ZNF318: variants seen among roughly 807,000 people sequenced by gnomAD.
ZNF318 encodes zinc finger protein 318, also known as endocrine regulator.
In ZNF318, 51 loss-of-function variants were observed where a neutral mutation model predicts 124.2. That is an observed-to-expected ratio of 0.41 (90% CI 0.33 to 0.52). The LOEUF is 0.52. Among genes scored for constraint, ZNF318 ranks in the 20% least tolerant of loss-of-function variants. The pLI, the probability that ZNF318 is intolerant of heterozygous loss-of-function variation, is 0.23. For missense variants in ZNF318, 2,815 were observed against 2,811.2 expected (o/e 1.00, Z -0.03); for synonymous variants, 1,090 against 1,040.7 (o/e 1.05, Z -0.91).
intron 2 of ZNF318, among the ~76,000 whole-genome samples, chr6:43,358,433 T>TTTC (rs61609683): frequency 4.0e-5 from 6 of 150,452 alleles, no homozygotes; most frequent in Non-Finnish European, 7.4e-5. Flanking sequence ...TTTTTTTTTT[T>TTTC]CTGATTTTTT....
chr6:43,348,178 G>C (rs1779475064), intron 6 of ZNF318, 146 bp downstream of exon 6: 1 of 787,062 alleles, frequency 1.3e-6, no homozygotes, highest in East Asian at 2.5e-5. Context: ...ATTCTGAAGA[G>C]GAGTACCACA....
chr6:43,362,204 G>T (rs1324739361), intron 2 of ZNF318, among the ~76,000 whole-genome samples: 1 of 152,100 alleles, frequency 6.6e-6, no homozygotes, highest in Non-Finnish European at 1.5e-5. Context: ...GCTCACACCT[G>T]TAATCCCAGC....
chr6:43,342,433 A>T (rs1199592393), intron 7 of ZNF318, among the ~76,000 whole-genome samples: 1 of 151,880 alleles, frequency 6.6e-6, no homozygotes, highest in Admixed American at 6.6e-5. Flanking sequence ...AAAATCAGGT[A>T]CTCAAGGAAT....
intron 5 of ZNF318, among the ~76,000 whole-genome samples, chr6:43,350,236 C>A (rs545236986): frequency 1.3e-5 from 2 of 151,618 alleles, no homozygotes; most frequent in African/African-American, 2.4e-5. Flanking sequence ...GGCAACAGAG[C>A]GAGGCTCCAT....
rs758117769 is a variant in ZNF318, at chr6:43,339,654, TGGGGGTGGTGGAGGA to T, written c.4329_4343del (p.Pro1452_Pro1456del). 2 of 430,786 alleles carry T rather than the reference TGGGGGTGGTGGAGGA, an allele frequency of 4.6e-6. No homozygotes were observed. Among genetic ancestry groups the T allele is most frequent in the Non-Finnish European group, 4.0e-6 (1 of 251,258 alleles). 26.7% of individuals were successfully genotyped at this position (430,786 alleles called of 1,614,324 possible). On this transcript the variant is annotated inframe_deletion, in exon 10 of 10. Transcript: ENST00000361428. This position sits in a 1 kb window ranked among gnomAD's most constrained non-coding sequence, Gnocchi z 4.2. ...CGGGGGGTGGTGGAGGTGGTGGAGG[TGGGGGTGGTGGAGGA>T]GGTGGTAGTATTTGTTCAGGTAAAT... is the stretch of plus-strand genomic sequence containing the variant.
At chr6:43,342,969 A>C in intron 6 of ZNF318, 90 bp from the exon 7 acceptor site, 29 of 992,182 alleles carry the variant, frequency 2.9e-5, no homozygotes, top group Non-Finnish European at 3.6e-5. Flanking sequence ...AATAATAGAA[A>C]TAGGGCCATA....
intron 2 of ZNF318, among the ~76,000 whole-genome samples, chr6:43,362,677 T>G (rs959808022): frequency 6.6e-6 from 1 of 151,916 alleles, no homozygotes; most frequent in South Asian, 2.1e-4. Context: ...GTAATTTTTG[T>G]ATTTTTGGTA....
At chr6:43,353,703 T>C (rs1562132940) in intron 4 of ZNF318, among the ~76,000 whole-genome samples, 2 of 152,138 alleles carry the variant, frequency 1.3e-5, no homozygotes, top group African/African-American at 4.8e-5. Flanking sequence ...CAAACCAAAT[T>C]AGACACATTA....
chr6:43,337,333 A>T lies in ZNF318; in HGVS notation c.6665T>A (p.Ile2222Asn), dbSNP rs1383206944. 6.2e-7 allele frequency: 1 copy of T among 1,614,134 alleles called. No homozygotes were observed. Among genetic ancestry groups the T allele is most frequent in the South Asian group, 1.1e-5 (1 of 91,080 alleles). ...GCCACTGTCATCATCTACTTGCAGA[A>T]TTGCCACCTCTGTGGTGGATGCATT... is the stretch of plus-strand genomic sequence containing the variant. Reference protein sequence around the residue: ...ISNASTTEVAILQVDDDSGDP... With the variant: ...ISNASTTEVANLQVDDDSGDP... The change falls in exon 10 of 10, where the codon ATT becomes AAT. Residue 2222 changes from isoleucine (I) to asparagine (N), a missense_variant. By Grantham distance (149) the Ile-to-Asn change is moderately radical (BLOSUM62 -3). Coordinates refer to ENST00000361428, the MANE Select transcript of ZNF318 (RefSeq NM_014345.3).
Position 43,340,280 on chromosome 6 carries a change from C to A in ZNF318, c.3718G>T (p.Gly1240Cys). The A allele has an allele frequency of 1.2e-6, 2 of 1,613,956 alleles. No homozygotes were observed. The highest frequency in any genetic ancestry group is 1.7e-6 in the Non-Finnish European group (2 of 1,180,020). ...TCAGCTTTTTCAGGGGAGTTCCTAC[C>A]CTCAGAGAGTTGGTCTTCTAATTTC... is the stretch of plus-strand genomic sequence containing the variant. The part of the protein sequence containing the change: ...SEKLEDQLSE[G>C]RNSPEKAENK... The change falls in exon 10 of 10, where the codon GGT becomes TGT. Residue 1240 changes from glycine (G) to cysteine (C), a missense_variant. Coordinates refer to ENST00000361428, the MANE Select transcript of ZNF318 (RefSeq NM_014345.3).
At chr6:43,367,053 T>C (rs781684715) in intron 1 of ZNF318, among the ~76,000 whole-genome samples, 10 of 152,212 alleles carry the variant, frequency 6.6e-5, no homozygotes, top group Admixed American at 3.9e-4. Context: ...TGTTTCACCG[T>C]GTTAGCCAAC....
intron 6 of ZNF318, among the ~76,000 whole-genome samples, chr6:43,345,967 C>CG (rs1016053832): frequency 6.6e-6 from 1 of 151,738 alleles, no homozygotes; most frequent in African/African-American, 2.4e-5. Context: ...CTTTGGGAGG[C>CG]GGGGGCAGGT....
chr6:43,341,003 GT>G, intron 8 of ZNF318, 95 bp from the exon 9 acceptor site: 1 of 921,948 alleles, frequency 1.1e-6, no homozygotes, highest in Non-Finnish European at 1.8e-6. Context: ...CAGTAAAATG[GT>G]TACAGTATAG....
chr6:43,338,760 C>T lies in ZNF318; in HGVS notation c.5238G>A (p.Leu1746=). The change falls in exon 10 of 10, where the codon TTG becomes TTA. Residue 1746 remains leucine, a synonymous_variant. Transcript: ENST00000361428. The part of the protein sequence containing the change: ...LDIQCKESQK[L]VEIHLRESVN... ...CAGATTCTCTGAGGTGGATTTCTAC[C>T]AACTTCTGAGATTCTTTGCACTGTA... The T allele has an allele frequency of 1.9e-6, 3 of 1,614,078 alleles. No homozygotes were observed. The highest frequency in any genetic ancestry group is 2.2e-5 in the South Asian group (2 of 91,076).
chr6:43,338,978 G>C lies in ZNF318; in HGVS notation c.5020C>G (p.Leu1674Val). Residue 1674 changes from leucine to valine, a missense_variant, in exon 10 of 10, where the codon CTA (leucine) becomes GTA (valine). Physicochemically the swap from Leu to Val is conservative, Grantham distance 32 (BLOSUM62 1). Transcript: ENST00000361428. ...TGGCACAACCTTGTCAGAGGCTGTA[G>C]GAAGCCATAGGTGCTGCCTGTGCTT... ...PKSTGSTYGFLQPLTRLCQSR... is the reference protein window; with the variant it reads ...PKSTGSTYGFVQPLTRLCQSR... The C allele has an allele frequency of 6.2e-7, 1 of 1,614,198 alleles. No homozygotes were observed. The highest frequency in any genetic ancestry group is 1.1e-5 in the South Asian group (1 of 91,082).
Position 43,339,290 on chromosome 6 carries a change from C to T in ZNF318, c.4708G>A (p.Asp1570Asn). ...LATANAKDLYDIFYSSGGKGA... is the reference protein window; with the variant it reads ...LATANAKDLYNIFYSSGGKGA... ...TTTCCACCACTACTATAGAATATGT[C>T]ATACAGGTCCTTAGCATTGGCTGTG... Residue 1570 changes from aspartate (D) to asparagine (N), a missense_variant, in exon 10 of 10, where the codon GAC becomes AAC. Physicochemically the swap from Asp to Asn is conservative, Grantham distance 23. Around this residue, in one of 4 missense-constraint regions of ZNF318, gnomAD observed 11 missense variants for 31.9 expected, o/e 0.35. Transcript: ENST00000361428. This position sits in a 1 kb window ranked among gnomAD's most constrained non-coding sequence, Gnocchi z 4.2. 6.2e-7 allele frequency: 1 copy of T among 1,614,166 alleles called. No individual in the cohort carries two copies. Among genetic ancestry groups the T allele is most frequent in the Non-Finnish European group, 8.5e-7 (1 of 1,180,030 alleles).
chr6:43,345,245 C>CA (rs35628286), intron 6 of ZNF318, among the ~76,000 whole-genome samples: 99,467 of 121,912 alleles, frequency 0.82, 40,201 homozygotes, highest in East Asian at 0.93. Context: ...GACCCTGTCT[C>CA]AAAAAAAAAA....
chr6:43,363,196 C>T (rs1305813157), intron 2 of ZNF318, among the ~76,000 whole-genome samples: 1 of 152,144 alleles, frequency 6.6e-6, no homozygotes, highest in Non-Finnish European at 1.5e-5. Context: ...AAGTGACATC[C>T]TAGGCCTAAG....
At chr6:43,361,734 C>G (rs926845947) in intron 2 of ZNF318, among the ~76,000 whole-genome samples, 11 of 152,182 alleles carry the variant, frequency 7.2e-5, no homozygotes, top group Non-Finnish European at 1.6e-4. Context: ...AGTAGAATTA[C>G]AGTCCTACAT....
Sources: allele counts gnomAD v4.1 joint callset (sites outside exome capture counted in the v4.1 genomes callset), GRCh38; gene constraint gnomAD v4.1.1; regional missense constraint gnomAD v4.1.1; non-coding constraint Gnocchi (gnomAD v3.1); transcripts MANE v1.5; gene names NCBI Gene and HGNC (gene_info 2026-07-23, HGNC 2026-07-21).